Variants in CSTF3 observed in about 807,000 individuals in gnomAD.
CSTF3 encodes cleavage stimulation factor subunit 3.
CSTF3 carries 29 observed loss-of-function variants against 105.8 expected under a neutral mutation model. The ratio of observed to expected loss-of-function variants is 0.27; its 90% CI spans 0.20 to 0.37. The LOEUF (loss-of-function observed/expected upper bound fraction) is 0.37, where lower values mean the gene tolerates loss of function less well. CSTF3 is among the 10% of genes least tolerant of loss of function. CSTF3 has a pLI of 1.00. For synonymous variants in CSTF3, 252 were observed against 281.9 expected, an observed-to-expected ratio of 0.89 and a Z score of 1.06; for missense variants, 357 against 879.3, an observed-to-expected ratio of 0.41 and a Z score of 7.51.
chr11:33,121,555 C>T (rs145565324), intron 3 of CSTF3, among the ~76,000 whole-genome samples: 25 of 152,168 alleles, frequency 1.6e-4, no homozygotes, highest in African/African-American at 4.8e-4. Context: ...GTGATGCCAC[C>T]AAAGGTAAAG....
chr11:33,089,004 G>T (rs1475821609), intron 17 of CSTF3, among the ~76,000 whole-genome samples: 1 of 152,204 alleles, frequency 6.6e-6, no homozygotes, highest in African/African-American at 2.4e-5. Context: ...ACAAAGTACA[G>T]TAAGTCCCTC....
At chr11:33,153,060 TAATA>T (rs1849808412) in intron 1 of CSTF3, among the ~76,000 whole-genome samples, 1 of 151,936 alleles carries the variant, frequency 6.6e-6, no homozygotes, top group Admixed American at 6.6e-5. Flanking sequence ...CACTTAAAAA[TAATA>T]AATTCCTTAA....
chr11:33,134,881 A>G lies in CSTF3; in HGVS notation c.225+6786T>C, dbSNP rs2133794826. Among the ~76,000 whole-genome samples, 3 of 152,276 alleles carry G rather than the reference A, an allele frequency of 2.0e-5. No individual in the cohort carries two copies. The South Asian group carries it at 6.2e-4, about 32-fold the overall frequency. Reference sequence around the variant, plus strand: ...GTGAGAAAACATCCCATTCCCCACCACCCAGAAGAATGAGAAGTACCAGCA... The same window carrying G: ...GTGAGAAAACATCCCATTCCCCACCGCCCAGAAGAATGAGAAGTACCAGCA... On this transcript the variant is annotated intron_variant, in intron 3 of 20. Coordinates refer to ENST00000323959, the MANE Select transcript of CSTF3 (RefSeq NM_001326.3).
chr11:33,145,597 G>A (rs1055275272), intron 1 of CSTF3, among the ~76,000 whole-genome samples: 4 of 152,116 alleles, frequency 2.6e-5, no homozygotes, highest in Non-Finnish European at 4.4e-5. Context: ...CAGCTCACTA[G>A]GTCAGGAGAA....
chr11:33,149,035 C>G (rs1855823394), intron 1 of CSTF3, among the ~76,000 whole-genome samples: 1 of 152,058 alleles, frequency 6.6e-6, no homozygotes, highest in African/African-American at 2.4e-5. Flanking sequence ...CATCAAATAA[C>G]AAGCTTTAGG....
chr11:33,148,100 CCAAATCAGGTAAGGTATACCATAT>C (rs942061672), intron 1 of CSTF3, among the ~76,000 whole-genome samples: 30 of 152,110 alleles, frequency 2.0e-4, no homozygotes, highest in African/African-American at 6.5e-4. Context: ...AATTAACCTA[CCAAATCAGGTAAGGTATACCATAT>C]AATCTGTAAA....
At chr11:33,106,409 C>T (rs1855325889) in intron 5 of CSTF3, among the ~76,000 whole-genome samples, 1 of 151,830 alleles carries the variant, frequency 6.6e-6, no homozygotes, top group African/African-American at 2.4e-5. Flanking sequence ...GAGCAAGACC[C>T]TGTCTCTAAA....
chr11:33,137,511 T>TTAA (rs1305846440), intron 3 of CSTF3, among the ~76,000 whole-genome samples: 1 of 151,830 alleles, frequency 6.6e-6, no homozygotes, highest in Non-Finnish European at 1.5e-5. Flanking sequence ...GTTTACTACT[T>TTAA]ATTATAGTCA....
chr11:33,118,734 T>C (rs1590272936), intron 3 of CSTF3, among the ~76,000 whole-genome samples: 2 of 134,692 alleles, frequency 1.5e-5, no homozygotes, highest in East Asian at 4.3e-4. Context: ...ATCAAGTTCA[T>C]AAACCTCTGA....
At chr11:33,113,238 T>C (rs1447543917) in intron 3 of CSTF3, among the ~76,000 whole-genome samples, 1 of 151,672 alleles carries the variant, frequency 6.6e-6, no homozygotes, top group East Asian at 1.9e-4. Context: ...AATAAATAAA[T>C]AAATAAATGA....
intron 3 of CSTF3, among the ~76,000 whole-genome samples, chr11:33,129,297 G>A (rs1281076284): frequency 6.6e-6 from 1 of 152,022 alleles, no homozygotes; most frequent in Non-Finnish European, 1.5e-5. Context: ...TCACCAGGTT[G>A]GGCAGGCTGG....
At chr11:33,114,567 G>A (rs1855412519) in intron 3 of CSTF3, among the ~76,000 whole-genome samples, 1 of 152,060 alleles carries the variant, frequency 6.6e-6, no homozygotes, top group African/African-American at 2.4e-5. Context: ...AAACATATTT[G>A]AGGCTGGGTG....
At chr11:33,102,077 GA>G (rs1265187133) in intron 10 of CSTF3, 99 bp downstream of exon 10, 9 of 829,302 alleles carry the variant, frequency 1.1e-5, no homozygotes, top group African/African-American at 1.7e-5. Flanking sequence ...AAGAACAAAA[GA>G]AAAAAAGATT....
intron 13 of CSTF3, 83 bp downstream of exon 13, chr11:33,098,607 G>T: frequency 1.2e-6 from 1 of 821,800 alleles, no homozygotes; most frequent in Non-Finnish European, 2.0e-6. Flanking sequence ...CAAAAACAGT[G>T]AATTTTATTG....
At chr11:33,109,400 T>C (rs1018757890) in intron 3 of CSTF3, among the ~76,000 whole-genome samples, 2 of 152,198 alleles carry the variant, frequency 1.3e-5, no homozygotes, top group African/African-American at 4.8e-5. Context: ...ATGACAGTCT[T>C]TTTTGCTTTT....
chr11:33,146,226 G>A (rs1426278882), intron 1 of CSTF3, among the ~76,000 whole-genome samples: 8 of 151,732 alleles, frequency 5.3e-5, no homozygotes, highest in Admixed American at 3.9e-4. Context: ...CTGGGTAATA[G>A]AGCAAGACTC....
chr11:33,138,503 T>TGA (rs1173759852), intron 3 of CSTF3, among the ~76,000 whole-genome samples: 2 of 151,992 alleles, frequency 1.3e-5, no homozygotes, highest in African/African-American at 4.8e-5. Flanking sequence ...GCATTCCACT[T>TGA]AACTCAAGTG....
At chr11:33,157,314 C>T (rs1453478478) in intron 1 of CSTF3, among the ~76,000 whole-genome samples, 1 of 152,124 alleles carries the variant, frequency 6.6e-6, no homozygotes, top group Non-Finnish European at 1.5e-5. Context: ...GAGACCGTGC[C>T]ACTGCACTCC....
intron 1 of CSTF3, among the ~76,000 whole-genome samples, chr11:33,144,269 G>A (rs72906747): frequency 0.03 from 4,534 of 152,102 alleles, 90 homozygotes; most frequent in Non-Finnish European, 0.048. Flanking sequence ...AAATTAGCTT[G>A]CACCACTGGT....
Sources: allele counts gnomAD v4.1 joint callset (sites outside exome capture counted in the v4.1 genomes callset), GRCh38; gene constraint gnomAD v4.1.1; transcripts MANE v1.5; gene names NCBI Gene and HGNC (gene_info 2026-07-23, HGNC 2026-07-21).